Variants in MASP2 observed in about 807,000 individuals in gnomAD.
The protein encoded by MASP2 is mannan-binding lectin serine protease 2.
MASP2 carries 49 observed loss-of-function variants against 57.1 expected under a neutral mutation model. The observed-to-expected ratio is 0.86, with a 90% CI of 0.68 to 1.09. The LOEUF is 1.09. Ranked by LOEUF, MASP2 falls within the 50% of genes least tolerant of loss-of-function variation. The pLI, the probability that MASP2 is intolerant of heterozygous loss-of-function variation, is 0.00. For synonymous variants in MASP2, 379 were observed against 340.8 expected (o/e 1.11, Z -1.24); for missense variants, 900 against 874.8 (o/e 1.03, Z -0.36).
In MASP2 at chr1:11,042,866, C is replaced by T; in HGVS notation, c.889+9G>A. 6.2e-7 allele frequency: 1 copy of T among 1,613,400 alleles called. No homozygotes were observed. The stretch of plus-strand genomic sequence containing the variant: ...GCTTCCAGCCAAGATCTGAGACCCA[C>T]TTGCTCACCTGTGCTCGTGTAGTGG... On this transcript the variant is annotated intron_variant, in intron 6 of 10. Transcript: ENST00000400897.
chr1:11,044,596 G>C (rs1638565331), intron 4 of MASP2, among the ~76,000 whole-genome samples: 1 of 152,156 alleles, frequency 6.6e-6, no homozygotes, highest in Non-Finnish European at 1.5e-5. Context: ...AGCCTCTGGG[G>C]ACCTGGACTC....
At chr1:11,032,110 C>A (rs1185057164) in intron 8 of MASP2, among the ~76,000 whole-genome samples, 1 of 151,574 alleles carries the variant, frequency 6.6e-6, no homozygotes, top group East Asian at 1.9e-4. Flanking sequence ...GTGGCACGTG[C>A]CTGTAGTCCA....
intron 6 of MASP2, among the ~76,000 whole-genome samples, chr1:11,040,939 GTAGA>G (rs1315513718): frequency 8.1e-5 from 12 of 149,064 alleles, no homozygotes; most frequent in Admixed American, 7.4e-4. Flanking sequence ...GGATGGGTGG[GTAGA>G]TAGATAGCTG....
At chr1:11,035,048 G>A in intron 7 of MASP2, 142 bp from the exon 8 acceptor site, 1 of 581,610 alleles carries the variant, frequency 1.7e-6, no homozygotes. Flanking sequence ...ACTAGTATCT[G>A]CGTGTGCTGG....
chr1:11,028,997 TTC>T (rs1195503962), intron 10 of MASP2, among the ~76,000 whole-genome samples: 1 of 148,998 alleles, frequency 6.7e-6, no homozygotes, highest in Non-Finnish European at 1.5e-5. Flanking sequence ...TTTTTTCTTT[TTC>T]TCTTTTTTTT....
At chr1:11,036,070 C>T (rs187809398) in intron 7 of MASP2, among the ~76,000 whole-genome samples, 3 of 152,194 alleles carry the variant, frequency 2.0e-5, no homozygotes, top group East Asian at 1.9e-4. Context: ...CAGCTTTCAC[C>T]GCCAGCGTCA....
At chr1:11,033,949 ACACACACACACACACACTCTCTCTCT>A (rs1384396414) in intron 8 of MASP2, among the ~76,000 whole-genome samples, 1 of 60,180 alleles carries the variant, frequency 1.7e-5, no homozygotes, top group African/African-American at 4.9e-5. Context: ...ACACACACAC[ACACACACACACACACACTCTCTCTCT>A]CTCTCTCTCT....
In MASP2 at chr1:11,026,683, TGTCC is replaced by T; in HGVS notation, c.*198_*201del. The T allele has an allele frequency of 7.4e-6, 3 of 404,334 alleles. No homozygotes were observed. 25.0% of individuals were successfully genotyped at this position (404,334 alleles called of 1,614,324 possible). On this transcript the variant is annotated 3_prime_UTR_variant, in exon 11 of 11. Transcript: ENST00000400897. ...AGATGACTGTCACTCTCGTGGTTTA[TGTCC>T]CCTTGAGTCAATGGGTAAGGCTGGA...
At position 11,030,310 on chromosome 1, in the gene MASP2, C is replaced by A. The variant is rs899924507; in HGVS notation, c.1223-60G>T. 45 of 1,163,602 alleles carry A rather than the reference C, an allele frequency of 3.9e-5. No homozygotes were observed. The African/African-American group carries it at 5.5e-4, about 14-fold the overall frequency. The allele number at this position is 1,163,602 out of a possible 1,614,324, so 72.1% of individuals were successfully genotyped here. On this transcript the variant is annotated intron_variant, in intron 9 of 10. Transcript: ENST00000400897. ...GCATGTATAAGATGGTTGTCATTTGCTTGAATACCCCCTTGAAAAATGTTG... is the reference window on the plus strand; with the variant it reads ...GCATGTATAAGATGGTTGTCATTTGATTGAATACCCCCTTGAAAAATGTTG...
rs1011130298 is a variant in MASP2, at chr1:11,026,821, G to A, written c.*64C>T. The A allele has an allele frequency of 4.8e-5, 66 of 1,377,158 alleles. No individual in the cohort carries two copies. The highest frequency in any genetic ancestry group is 3.9e-4 in the Middle Eastern group (2 of 5,122). The allele number at this position is 1,377,158 out of a possible 1,614,324, so 85.3% of individuals were successfully genotyped here. ...TAATGATGAATGCTTCTCGAGCCAC[G>A]TCGCTGCCAAGGTCTTCACAGGCAT... On this transcript the variant is annotated 3_prime_UTR_variant, in exon 11 of 11. Transcript: ENST00000400897.
Position 11,027,082 on chromosome 1 carries a change from C to G in MASP2, c.1864G>C (p.Glu622Gln), listed in dbSNP as rs891626213. The change falls in exon 11 of 11, where the codon GAA becomes CAA. Residue 622 changes from glutamate to glutamine, a missense_variant. Transcript: ENST00000400897. ...VTANMLCAGL[E>Q]SGGKDSCRGD... ...CTGCAGCTGTCCTTGCCCCCACTTT[C>G]TAAGCCAGCACAAAGCATGTTAGCA... 2.5e-6 allele frequency: 4 copies of G among 1,597,986 alleles called. No homozygotes were observed. The highest frequency in any genetic ancestry group is 3.4e-6 in the Non-Finnish European group (4 of 1,171,770).
chr1:11,036,359 C>A, intron 7 of MASP2, among the ~76,000 whole-genome samples: 1 of 149,598 alleles, frequency 6.7e-6, no homozygotes, highest in Non-Finnish European at 1.5e-5. Flanking sequence ...AAAAAATTAG[C>A]CGGGCGCGGT....
intron 4 of MASP2, chr1:11,044,766 ACCCT>A: frequency 1.0e-6 from 1 of 994,422 alleles, no homozygotes; most frequent in Middle Eastern, 3.8e-4. Context: ...CCGCCTCCCG[ACCCT>A]CCCACCCCAG....
chr1:11,030,182 C>T lies in MASP2; in HGVS notation c.1291G>A (p.Glu431Lys), dbSNP rs1643819157. 3 of 1,610,654 alleles carry T rather than the reference C, an allele frequency of 1.9e-6. No individual in the cohort carries two copies. The highest frequency in any genetic ancestry group is 1.1e-5 in the South Asian group (1 of 90,916). ...GTATAAATGTATCCATTACCAGGCT[C>T]ACAGACTGGGAGTGATTTTTCTCCT... Reference protein sequence around the residue: ...SKGEKSLPVCEPVCGLSARTT... With the variant: ...SKGEKSLPVCKPVCGLSARTT... Residue 431 changes from glutamate to lysine, a missense_variant, in exon 10 of 11, where the codon GAG becomes AAG. Physicochemically the swap from Glu to Lys is moderately conservative, Grantham distance 56. Transcript: ENST00000400897.
chr1:11,040,032 G>C (rs570677506), intron 6 of MASP2, among the ~76,000 whole-genome samples: 2 of 151,044 alleles, frequency 1.3e-5, no homozygotes, highest in Non-Finnish European at 3.0e-5. Flanking sequence ...TGGGTGGGTA[G>C]ATGGACAGTT....
At chr1:11,031,252 G>T (rs190907616) in intron 8 of MASP2, among the ~76,000 whole-genome samples, 1 of 151,232 alleles carries the variant, frequency 6.6e-6, no homozygotes, top group Admixed American at 6.6e-5. Context: ...GGCCGGGCGC[G>T]ATGGCTCATG....
intron 3 of MASP2, 92 bp from the exon 4 acceptor site, chr1:11,045,631 G>T: frequency 7.2e-7 from 1 of 1,380,860 alleles, no homozygotes; most frequent in East Asian, 2.5e-5. Flanking sequence ...ACCTCAGAGT[G>T]GACCTCAGAG....
chr1:11,040,991 A>C (rs1420750983), intron 6 of MASP2, among the ~76,000 whole-genome samples: 1 of 149,016 alleles, frequency 6.7e-6, no homozygotes, highest in Non-Finnish European at 1.5e-5. Flanking sequence ...AGATAGAAGA[A>C]TGTGTAGGCA....
intron 6 of MASP2, among the ~76,000 whole-genome samples, chr1:11,042,595 A>G (rs1001968867): frequency 6.6e-6 from 1 of 151,610 alleles, no homozygotes; most frequent in African/African-American, 2.4e-5. Flanking sequence ...GGACAGAAGG[A>G]TGAGTGGACA....
Sources: gnomAD v4.1 joint callset for allele counts (sites outside exome capture counted in the v4.1 genomes callset) on GRCh38, gnomAD v4.1.1 for gene constraint, MANE v1.5 for transcripts, NCBI Gene and HGNC (gene_info 2026-07-23, HGNC 2026-07-21) for gene names.